The following ENTREP2 variants were observed in gnomAD, a reference collection of about 807,000 sequenced individuals.
The protein encoded by ENTREP2 is endosomal transmembrane epsin interactor 2.
the ENTREP2 span, among the ~76,000 whole-genome samples, chr15:29,369,014 A>T: frequency 2.0e-5 from 3 of 152,334 alleles, no homozygotes; most frequent in South Asian, 6.2e-4. Flanking sequence ...AGATAGGTTA[A>T]TTGAGGTTAT....
At chr15:29,281,143 T>C in the ENTREP2 span, among the ~76,000 whole-genome samples, 3 of 152,208 alleles carry the variant, frequency 2.0e-5, no homozygotes, top group Admixed American at 6.5e-5. Context: ...ATTGGGAAAT[T>C]TCACATAGTA....
the ENTREP2 span, among the ~76,000 whole-genome samples, chr15:29,171,812 G>T: frequency 1.3e-5 from 2 of 152,130 alleles, no homozygotes; most frequent in Admixed American, 1.3e-4. Flanking sequence ...CAGCAACTTT[G>T]CAGCTTTAGC....
At chr15:29,352,532 G>A in the ENTREP2 span, among the ~76,000 whole-genome samples, 4 of 152,004 alleles carry the variant, frequency 2.6e-5, no homozygotes, top group Admixed American at 6.6e-5. Flanking sequence ...CTCATTCCCC[G>A]GCTGCCTCCA....
the ENTREP2 span, among the ~76,000 whole-genome samples, chr15:29,492,029 T>C: frequency 1.1e-4 from 17 of 152,016 alleles, no homozygotes; most frequent in African/African-American, 4.1e-4. Flanking sequence ...GTCAAAGCCA[T>C]ACGATTCACT....
chr15:29,456,499 A>C, the ENTREP2 span, among the ~76,000 whole-genome samples: 1 of 152,162 alleles, frequency 6.6e-6, no homozygotes, highest in African/African-American at 2.4e-5. Flanking sequence ...AACCTGCCCT[A>C]ACTTTCTAAG....
chr15:29,129,029 G>A, the ENTREP2 span, among the ~76,000 whole-genome samples: 1 of 152,178 alleles, frequency 6.6e-6, no homozygotes, highest in Non-Finnish European at 1.5e-5. Flanking sequence ...GGGGTGTGAG[G>A]GTTCAAGTTG....
the ENTREP2 span, among the ~76,000 whole-genome samples, chr15:29,519,087 A>AT: frequency 2.0e-5 from 3 of 152,260 alleles, no homozygotes; most frequent in East Asian, 5.8e-4. Flanking sequence ...ACAAGCCTGC[A>AT]TATTTATTTG....
At chr15:29,520,148 C>A in the ENTREP2 span, among the ~76,000 whole-genome samples, 1 of 152,288 alleles carries the variant, frequency 6.6e-6, no homozygotes, top group Non-Finnish European at 1.5e-5. Context: ...GGTCCCCTAA[C>A]CCCTGCACTC....
chr15:29,250,422 A>G, the ENTREP2 span, among the ~76,000 whole-genome samples: 1 of 152,206 alleles, frequency 6.6e-6, no homozygotes, highest in Non-Finnish European at 1.5e-5. Context: ...TCTGTGGTAC[A>G]TGATGTTCTT....
At chr15:29,380,687 C>G in the ENTREP2 span, among the ~76,000 whole-genome samples, 1 of 152,158 alleles carries the variant, frequency 6.6e-6, no homozygotes, top group Non-Finnish European at 1.5e-5. Context: ...ATTCAAGTAA[C>G]TCTTTTTATT....
At chr15:29,328,487 C>T in the ENTREP2 span, among the ~76,000 whole-genome samples, 2 of 152,126 alleles carry the variant, frequency 1.3e-5, no homozygotes, top group Non-Finnish European at 2.9e-5. Context: ...TGACAAAAAA[C>T]AATCTACGAA....
At chr15:29,537,361 A>G in the ENTREP2 span, among the ~76,000 whole-genome samples, 1 of 152,174 alleles carries the variant, frequency 6.6e-6, no homozygotes, top group African/African-American at 2.4e-5. Flanking sequence ...GCATGCCGTT[A>G]TCCTTATATA....
At chr15:29,654,369 T>C in the ENTREP2 span, among the ~76,000 whole-genome samples, 1 of 152,178 alleles carries the variant, frequency 6.6e-6, no homozygotes, top group Non-Finnish European at 1.5e-5. Context: ...CAAACATGTT[T>C]GTGCGGTTGG....
chr15:29,194,374 A>G, the ENTREP2 span, among the ~76,000 whole-genome samples: 1 of 151,388 alleles, frequency 6.6e-6, no homozygotes, highest in East Asian at 1.9e-4. Flanking sequence ...CTTAATCACA[A>G]CTCCTGCCTC....
the ENTREP2 span, among the ~76,000 whole-genome samples, chr15:29,189,345 G>T: frequency 6.6e-6 from 1 of 152,060 alleles, no homozygotes; most frequent in Admixed American, 6.5e-5. Context: ...TGGGGGAAAT[G>T]AATACATCTG....
At chr15:29,260,170 C>T in the ENTREP2 span, among the ~76,000 whole-genome samples, 1 of 152,156 alleles carries the variant, frequency 6.6e-6, no homozygotes, top group East Asian at 1.9e-4. Context: ...GAATTAACAC[C>T]AGTCTTATGC....
At chr15:29,219,582 T>G in the ENTREP2 span, among the ~76,000 whole-genome samples, 1 of 140,370 alleles carries the variant, frequency 7.1e-6, no homozygotes, top group Non-Finnish European at 1.5e-5. Flanking sequence ...TGCCCATCAG[T>G]CAATGAGTGT....
chr15:29,151,929 C>T, the ENTREP2 span: 12 of 672,656 alleles, frequency 1.8e-5, no homozygotes, highest in East Asian at 6.3e-5. Context: ...CAGAATGAGC[C>T]GAGGTCGATG....
the ENTREP2 span, among the ~76,000 whole-genome samples, chr15:29,318,411 C>A: frequency 2.0e-5 from 3 of 152,232 alleles, no homozygotes; most frequent in East Asian, 3.9e-4. Context: ...AGCTCCGCCT[C>A]CTGGGTTCAC....
Sources: allele counts gnomAD v4.1 joint callset (sites outside exome capture counted in the v4.1 genomes callset), GRCh38; gene constraint gnomAD v4.1.1; transcripts MANE v1.5; gene names NCBI Gene and HGNC (gene_info 2026-07-23, HGNC 2026-07-21).